ZNF32: variants seen among roughly 807,000 people sequenced by gnomAD.
ZNF32 encodes C2H2-546.
A neutral mutation model predicts 24.4 loss-of-function variants in ZNF32; 13 were observed. The observed-to-expected ratio is 0.53, with a 90% CI of 0.35 to 0.85. The LOEUF (loss-of-function observed/expected upper bound fraction) is 0.85. Among genes scored for constraint, ZNF32 ranks in the 40% least tolerant of loss-of-function variants. The pLI is 0.01. For missense variants in ZNF32, 239 were observed against 325.3 expected, an observed-to-expected ratio of 0.73 and a Z score of 2.04; for synonymous variants, 115 against 117.4, an observed-to-expected ratio of 0.98 and a Z score of 0.13.
At chr10:43,645,906 C>T (rs1036933337) in intron 2 of ZNF32, 158 bp downstream of exon 2, 6 of 1,404,618 alleles carry the variant, frequency 4.3e-6, no homozygotes, top group Non-Finnish European at 5.6e-6. Context: ...ACTATTACTT[C>T]TAACTCCAGC....
rs1185759380 is a variant in ZNF32 at position 43,644,717 on chromosome 10, C to T, written c.155G>A (p.Arg52Lys). 3 of 1,614,026 alleles carry T rather than the reference C, an allele frequency of 1.9e-6. No individual in the cohort carries two copies. The highest frequency in any genetic ancestry group is 2.5e-6 in the Non-Finnish European group (3 of 1,180,040). ...TGGGGATTTTTGTTCCAGCTTCTCT[C>T]TTCTGAAAGAATTTTGGATATCCCA... ...SSWDIQNSFR[R>K]EKLEQKSPDS... Residue 52 changes from arginine to lysine, a missense_variant, in exon 3 of 3, where the codon AGA (arginine) becomes AAA (lysine). Physicochemically the swap from Arg to Lys is conservative, Grantham distance 26. Transcript: ENST00000374433. The surrounding 1 kb of genome is among the most constrained non-coding windows in gnomAD (Gnocchi z 5.3).
Position 43,643,893 on chromosome 10 carries a change from TA to T in ZNF32, c.*156del, listed in dbSNP as rs1469751749. On this transcript the variant is annotated 3_prime_UTR_variant, in exon 3 of 3. Transcript: ENST00000374433. ...TAATAAACAAGACATTTATTTTTCA[TA>T]CTCTTTTGGGGGAAAGGAAAAAAAT... 1.4e-6 allele frequency: 1 copy of T among 699,720 alleles called. No homozygotes were observed. Among genetic ancestry groups the T allele is most frequent in the African/African-American group, 1.8e-5 (1 of 55,796 alleles). The allele number at this position is 699,720 out of a possible 1,614,324, so 43.3% of individuals were successfully genotyped here.
At chr10:43,647,253 C>CT (rs969360281) in intron 1 of ZNF32, 8 of 151,756 alleles carry the variant, frequency 5.3e-5, no homozygotes, top group Admixed American at 1.3e-4. Flanking sequence ...ATTATTTTAA[C>CT]TTTTTTTTGT....
chr10:43,644,072 C>T lies in ZNF32; in HGVS notation c.800G>A (p.Cys267Tyr). Residue 267 changes from cysteine (C) to tyrosine (Y), a missense_variant, in exon 3 of 3, where the codon TGC becomes TAC. Physicochemically the swap from Cys to Tyr is radical, Grantham distance 194. Transcript: ENST00000374433. The surrounding 1 kb of genome is among the most constrained non-coding windows in gnomAD (Gnocchi z 5.3). The stretch of plus-strand genomic sequence containing the variant: ...TGGTCAAAGGGTGAGCCTCTGTGAG[C>T]AGCTTCGCTGGTGCACAGCCAGACT... ...RGSLAVHQRSCSQRLTL is the reference protein window; with the variant it reads ...RGSLAVHQRSYSQRLTL 1 of 1,613,394 alleles carries T rather than the reference C, an allele frequency of 6.2e-7. No individual in the cohort carries two copies. Among genetic ancestry groups the T allele is most frequent in the Non-Finnish European group, 8.5e-7 (1 of 1,179,648 alleles).
At chr10:43,645,771 G>C (rs1340031851) in intron 2 of ZNF32, among the ~76,000 whole-genome samples, 2 of 152,060 alleles carry the variant, frequency 1.3e-5, no homozygotes, top group Admixed American at 6.5e-5. Flanking sequence ...TGTCACTCCA[G>C]GGTAATCTTC....
In ZNF32 at chr10:43,646,053, GACTC is replaced by G; in HGVS notation, c.70+7_70+10del. ...AGCTGAGCGCATCCAGCCATCAACT[GACTC>G]ACTCACTGAAGAACGCTACATTCTG... On this transcript the variant is annotated splice_region_variant and intron_variant, in intron 2 of 2. Transcript: ENST00000374433. The G allele has an allele frequency of 6.2e-7, 1 of 1,614,026 alleles. No homozygotes were observed. Among genetic ancestry groups the G allele is most frequent in the Non-Finnish European group, 8.5e-7 (1 of 1,179,968 alleles).
At chr10:43,647,506 C>T (rs1223739223) in intron 1 of ZNF32, 1 of 152,172 alleles carries the variant, frequency 6.6e-6, no homozygotes, top group Non-Finnish European at 1.5e-5. Flanking sequence ...TATCAAAATG[C>T]TGGCCTTCTG....
At position 43,646,077 on chromosome 10, in the gene ZNF32, A is replaced by G. The variant is rs1383187676; in HGVS notation, c.57T>C (p.Asn19=). The part of the protein sequence containing the change: ...LLDCHGRYAQ[N]VAFFNVMTEA... ...TGACTCACTCACTGAAGAACGCTAC[A>G]TTCTGGGCATATCTTCCATGACAGT... is the stretch of plus-strand genomic sequence containing the variant. Residue 19 remains asparagine (N), a synonymous_variant, in exon 2 of 3, where the codon AAT becomes AAC. Transcript: ENST00000374433. 1.9e-6 allele frequency: 3 copies of G among 1,614,152 alleles called. No individual in the cohort carries two copies. Among genetic ancestry groups the G allele is most frequent in the Non-Finnish European group, 2.5e-6 (3 of 1,180,000 alleles).
chr10:43,644,107 G>A lies in ZNF32; in HGVS notation c.765C>T (p.Thr255=). 1.2e-6 allele frequency: 2 copies of A among 1,614,146 alleles called. No individual in the cohort carries two copies. The highest frequency in any genetic ancestry group is 1.7e-6 in the Non-Finnish European group (2 of 1,180,012). The part of the protein sequence containing the change: ...YLCGQCGKSF[T]QRGSLAVHQR... ...GGTGCACAGCCAGACTCCCTCTCTGGGTGAAGCTTTTTCCACACTGGCCGC... is the reference window on the plus strand; with the variant it reads ...GGTGCACAGCCAGACTCCCTCTCTGAGTGAAGCTTTTTCCACACTGGCCGC... The change falls in exon 3 of 3, where the codon ACC becomes ACT. Residue 255 remains threonine (T), a synonymous_variant. Transcript: ENST00000374433. This position sits in a 1 kb window ranked among gnomAD's most constrained non-coding sequence, Gnocchi z 5.3.
chr10:43,646,019 A>G (rs773056481), intron 2 of ZNF32, 45 bp downstream of exon 2: 38 of 1,611,972 alleles, frequency 2.4e-5, no homozygotes, highest in African/African-American at 4.0e-5. Flanking sequence ...GGGACACTGA[A>G]TATCTGTGAG....
Position 43,644,977 on chromosome 10 carries a change from G to A in ZNF32, c.71-176C>T, listed in dbSNP as rs758381837. ...GATACAGATAATGGGAGCAAAGGGA[G>A]CCTGTCAAAGGTCACAGAGCTAGGT... On this transcript the variant is annotated intron_variant, in intron 2 of 2. Coordinates refer to ENST00000374433, the MANE Select transcript of ZNF32 (RefSeq NM_006973.3). The surrounding 1 kb of genome is among the most constrained non-coding windows in gnomAD (Gnocchi z 5.3). The A allele has an allele frequency of 1.1e-5, 8 of 734,502 alleles. No homozygotes were observed. The highest frequency in any genetic ancestry group is 1.7e-5 in the Non-Finnish European group (8 of 470,384). 45.5% of individuals were successfully genotyped at this position (734,502 alleles called of 1,614,324 possible).
Position 43,644,530 on chromosome 10 carries a change from G to A in ZNF32, c.342C>T (p.Phe114=). Residue 114 remains phenylalanine, a synonymous_variant, in exon 3 of 3, where the codon TTC becomes TTT. Coordinates refer to ENST00000374433, the MANE Select transcript of ZNF32 (RefSeq NM_006973.3). This position sits in a 1 kb window ranked among gnomAD's most constrained non-coding sequence, Gnocchi z 5.3. The stretch of plus-strand genomic sequence containing the variant: ...GTGTAACAAGATTGCCTTTGGCCCT[G>A]AAGCTTTTTCCACAGTGGGTGCACT... The part of the protein sequence containing the change: ...PFECTHCGKS[F]RAKGNLVTHQ... 1.9e-6 allele frequency: 3 copies of A among 1,614,162 alleles called. No individual in the cohort carries two copies. Among genetic ancestry groups the A allele is most frequent in the Non-Finnish European group, 2.5e-6 (3 of 1,180,014 alleles).
intron 2 of ZNF32, chr10:43,645,168 C>T (rs1839240914): frequency 5.9e-6 from 1 of 170,086 alleles, no homozygotes; most frequent in Non-Finnish European, 1.3e-5. Context: ...CACAGAGCCC[C>T]ATACCCAACT....
intron 2 of ZNF32, chr10:43,645,832 A>T (rs1462327149): frequency 6.3e-6 from 5 of 792,748 alleles, no homozygotes; most frequent in Non-Finnish European, 7.1e-6. Flanking sequence ...TAAGCTGCTC[A>T]TTCATTCTCA....
At chr10:43,647,390 T>A (rs963703337) in intron 1 of ZNF32, among the ~76,000 whole-genome samples, 8 of 152,240 alleles carry the variant, frequency 5.3e-5, no homozygotes, top group African/African-American at 1.7e-4. Flanking sequence ...ATCTATTTTT[T>A]AAAAAAAATA....
At chr10:43,646,000 C>A in intron 2 of ZNF32, 64 bp downstream of exon 2, 1 of 1,604,746 alleles carries the variant, frequency 6.2e-7, no homozygotes, top group Non-Finnish European at 8.5e-7. Flanking sequence ...CCGACCAGTG[C>A]TGAGAACAGG....
chr10:43,644,974 G>A lies in ZNF32; in HGVS notation c.71-173C>T. On this transcript the variant is annotated intron_variant, in intron 2 of 2. Coordinates refer to ENST00000374433, the MANE Select transcript of ZNF32 (RefSeq NM_006973.3). The surrounding 1 kb of genome is among the most constrained non-coding windows in gnomAD (Gnocchi z 5.3). ...AGTGATACAGATAATGGGAGCAAAGGGAGCCTGTCAAAGGTCACAGAGCTA... is the reference window on the plus strand; with the variant it reads ...AGTGATACAGATAATGGGAGCAAAGAGAGCCTGTCAAAGGTCACAGAGCTA... The A allele has an allele frequency of 1.3e-6, 1 of 763,646 alleles. No individual in the cohort carries two copies. The highest frequency in any genetic ancestry group is 3.2e-5 in the Admixed American group (1 of 30,990). The allele number at this position is 763,646 out of a possible 1,614,324, so 47.3% of individuals were successfully genotyped here.
chr10:43,644,410 G>A lies in ZNF32; in HGVS notation c.462C>T (p.Leu154=), dbSNP rs1237847817. The change falls in exon 3 of 3, where the codon CTC becomes CTT. Residue 154 remains leucine (L), a synonymous_variant. Transcript: ENST00000374433. This position sits in a 1 kb window ranked among gnomAD's most constrained non-coding sequence, Gnocchi z 5.3. The part of the protein sequence containing the change: ...QRGSLAVHER[L]HTGQKPYECA... ...ACTCGTAGGGTTTCTGTCCAGTGTG[G>A]AGTCTCTCGTGGACAGCGAGACTAC... The A allele has an allele frequency of 4.3e-6, 7 of 1,614,036 alleles. No individual in the cohort carries two copies. Among genetic ancestry groups the A allele is most frequent in the Non-Finnish European group, 5.1e-6 (6 of 1,179,950 alleles).
chr10:43,646,291 A>C (rs1839284620), intron 1 of ZNF32, 89 bp from the exon 2 acceptor site: 1 of 754,594 alleles, frequency 1.3e-6, no homozygotes, highest in African/African-American at 1.8e-5. Flanking sequence ...TTGAGACATA[A>C]GTGAATGTAA....
Sources: allele counts gnomAD v4.1 joint callset (sites outside exome capture counted in the v4.1 genomes callset), GRCh38; gene constraint gnomAD v4.1.1; non-coding constraint Gnocchi (gnomAD v3.1); transcripts MANE v1.5; gene names NCBI Gene and HGNC (gene_info 2026-07-23, HGNC 2026-07-21).